R3HDM2: variants seen among roughly 807,000 people sequenced by gnomAD.
R3HDM2 encodes R3H domain-containing protein 2.
A neutral mutation model predicts 124.5 loss-of-function variants in R3HDM2; 38 were observed. That is an observed-to-expected ratio of 0.31 (90% confidence interval 0.24 to 0.40). R3HDM2 has a LOEUF of 0.40. Among genes scored for constraint, R3HDM2 ranks in the 10% least tolerant of loss-of-function variants. The pLI, the probability that R3HDM2 is intolerant of heterozygous loss-of-function variation, is 1.00. For synonymous variants in R3HDM2, 391 were observed against 448.0 expected (o/e 0.87, Z 1.61); for missense variants, 869 against 1,236.9 (o/e 0.70, Z 4.46).
At chr12:57,372,667 T>A (rs1231570309) in intron 2 of R3HDM2, among the ~76,000 whole-genome samples, 3 of 152,196 alleles carry the variant, frequency 2.0e-5, no homozygotes, top group Admixed American at 1.3e-4. Context: ...ATATGTTTTT[T>A]AAAAAATAAG....
At chr12:57,369,295 G>A (rs2063028985) in intron 2 of R3HDM2, among the ~76,000 whole-genome samples, 1 of 152,132 alleles carries the variant, frequency 6.6e-6, no homozygotes, top group Non-Finnish European at 1.5e-5. Flanking sequence ...TGGAAAATGA[G>A]GTTAACAGCT....
chr12:57,334,430 T>C (rs1257961716), intron 2 of R3HDM2, among the ~76,000 whole-genome samples: 1 of 151,990 alleles, frequency 6.6e-6, no homozygotes, highest in Non-Finnish European at 1.5e-5. Flanking sequence ...CAAGACTCCA[T>C]GGCAACAGGC....
chr12:57,425,999 G>A (rs1323468377), intron 1 of R3HDM2, among the ~76,000 whole-genome samples: 3 of 151,636 alleles, frequency 2.0e-5, no homozygotes, highest in East Asian at 1.9e-4. Flanking sequence ...AGGCCGAGGC[G>A]GGCAGATCAC....
intron 14 of R3HDM2, among the ~76,000 whole-genome samples, chr12:57,270,233 G>GT (rs1565891394): frequency 2.0e-5 from 3 of 151,776 alleles, no homozygotes; most frequent in South Asian, 4.2e-4. Flanking sequence ...GTGTTTTTTT[G>GT]TTTTTTTGAG....
At chr12:57,389,706 T>A (rs1566456241) in intron 2 of R3HDM2, among the ~76,000 whole-genome samples, 1 of 152,202 alleles carries the variant, frequency 6.6e-6, no homozygotes, top group Admixed American at 6.6e-5. Flanking sequence ...GTAGAAGTTG[T>A]GATTTTATAA....
In R3HDM2 at chr12:57,296,298, G is replaced by C; in HGVS notation, c.701+113C>G. ...CTCCCAAAGTGCTGGGATTACAGGT[G>C]TGAGCCACCACGCCTGGCCATCTGC... On this transcript the variant is annotated intron_variant, in intron 9 of 23. Transcript: ENST00000402412. This position sits in a 1 kb window ranked among gnomAD's most constrained non-coding sequence, Gnocchi z 4.5. 7.9e-7 allele frequency: 1 copy of C among 1,268,292 alleles called. No homozygotes were observed. The allele number at this position is 1,268,292 out of a possible 1,614,324, so 78.6% of individuals were successfully genotyped here.
chr12:57,344,304 G>A (rs1182419440), intron 2 of R3HDM2, among the ~76,000 whole-genome samples: 2 of 152,116 alleles, frequency 1.3e-5, no homozygotes, highest in Admixed American at 6.6e-5. Context: ...CATCACTCAC[G>A]AAAAGCTGCA....
At chr12:57,359,612 G>A (rs191572873) in intron 2 of R3HDM2, among the ~76,000 whole-genome samples, 99 of 152,200 alleles carry the variant, frequency 6.5e-4, no homozygotes, top group Middle Eastern at 6.8e-3. Context: ...GACAGCATGC[G>A]GCTGGGTCGT....
chr12:57,306,095 C>T (rs765568076), intron 3 of R3HDM2, among the ~76,000 whole-genome samples: 2 of 152,094 alleles, frequency 1.3e-5, no homozygotes, highest in Non-Finnish European at 2.9e-5. Flanking sequence ...GCATTCCAGG[C>T]AGAGAAAGCA....
At chr12:57,291,524 C>T (rs1056878110) in intron 11 of R3HDM2, among the ~76,000 whole-genome samples, 1 of 151,800 alleles carries the variant, frequency 6.6e-6, no homozygotes, top group East Asian at 1.9e-4. Flanking sequence ...CGTGGTAATG[C>T]GTGCCTGTAA....
chr12:57,350,004 G>C (rs2137213109), intron 2 of R3HDM2, among the ~76,000 whole-genome samples: 1 of 152,232 alleles, frequency 6.6e-6, no homozygotes, highest in East Asian at 1.9e-4. Context: ...TCTGAGGTCA[G>C]GAGTTTGAGA....
At chr12:57,429,610 G>C (rs1248776202) in intron 1 of R3HDM2, among the ~76,000 whole-genome samples, 1 of 152,098 alleles carries the variant, frequency 6.6e-6, no homozygotes, top group Non-Finnish European at 1.5e-5. Context: ...CTACTTGGGG[G>C]ACTGAGGTAG....
intron 12 of R3HDM2, among the ~76,000 whole-genome samples, chr12:57,285,446 A>AGTGT (rs34223001): frequency 0.011 from 1,597 of 147,662 alleles, 15 homozygotes; most frequent in African/African-American, 0.019. Context: ...AGAGAGAGAG[A>AGTGT]GTGTGTGTGT....
intron 2 of R3HDM2, among the ~76,000 whole-genome samples, chr12:57,392,666 TCAC>T (rs1298555104): frequency 6.6e-6 from 1 of 152,086 alleles, no homozygotes; most frequent in East Asian, 1.9e-4. Context: ...CGATCTCGGC[TCAC>T]CACAACCTCC....
rs1362225293 is a variant in R3HDM2, at chr12:57,254,716, C to G, written c.*57G>C. On this transcript the variant is annotated 3_prime_UTR_variant, in exon 24 of 24. Coordinates refer to ENST00000402412, the MANE Select transcript of R3HDM2 (RefSeq NM_001394031.1). ...CTGTCCATGGTCTGTCAGGATCCTT[C>G]AACCCCCTCCACCCTGCCCTTGCTC... The G allele has an allele frequency of 7.1e-7, 1 of 1,403,160 alleles. No individual in the cohort carries two copies. Among genetic ancestry groups the G allele is most frequent in the Non-Finnish European group, 9.7e-7 (1 of 1,030,740 alleles). 86.9% of individuals were successfully genotyped at this position (1,403,160 alleles called of 1,614,324 possible). A position where few individuals can be genotyped will look rare whatever the true frequency, so the allele number is the denominator to read the frequency against.
At chr12:57,305,696 C>T (rs916454739) in intron 3 of R3HDM2, 3 of 398,788 alleles carry the variant, frequency 7.5e-6, no homozygotes, top group African/African-American at 4.1e-5. Flanking sequence ...AATTACAATA[C>T]AGTACATTAA....
At chr12:57,369,968 T>C (rs768680254) in intron 2 of R3HDM2, among the ~76,000 whole-genome samples, 8 of 152,174 alleles carry the variant, frequency 5.3e-5, no homozygotes, top group African/African-American at 1.7e-4. Context: ...ATAGCACATA[T>C]AAATTAATAA....
chr12:57,371,632 G>A (rs1163121130), intron 2 of R3HDM2, among the ~76,000 whole-genome samples: 1 of 151,982 alleles, frequency 6.6e-6, no homozygotes, highest in Admixed American at 6.6e-5. Flanking sequence ...ATTTAACATT[G>A]TGCTTCTCAT....
chr12:57,332,684 T>C (rs1696437139), intron 2 of R3HDM2, among the ~76,000 whole-genome samples: 1 of 152,184 alleles, frequency 6.6e-6, no homozygotes, highest in African/African-American at 2.4e-5. Context: ...AACGTGATAC[T>C]TTTTTCCTCC....
Sources: gnomAD v4.1 joint callset for allele counts (sites outside exome capture counted in the v4.1 genomes callset) on GRCh38, gnomAD v4.1.1 for gene constraint, Gnocchi (gnomAD v3.1) non-coding constraint, MANE v1.5 for transcripts, NCBI Gene and HGNC (gene_info 2026-07-23, HGNC 2026-07-21) for gene names.